The following NBEA variants were observed in gnomAD, a reference collection of about 807,000 sequenced individuals.
NBEA encodes neurobeachin.
A neutral mutation model predicts 343.4 loss-of-function variants in NBEA; 44 were observed. That is an observed-to-expected ratio of 0.13 (90% confidence interval 0.10 to 0.16). The LOEUF is 0.16. Among genes scored for constraint, NBEA ranks in the 10% least tolerant of loss-of-function variants. The pLI is 1.00. For synonymous variants in NBEA, 1,175 were observed against 1,238.7 expected (o/e 0.95, Z 1.08); for missense variants, 2,555 against 3,631.3 (o/e 0.70, Z 7.62).
chr13:35,126,992 G>T (rs1272634828), intron 17 of NBEA, among the ~76,000 whole-genome samples: 5 of 151,276 alleles, frequency 3.3e-5, no homozygotes, highest in Non-Finnish European at 7.4e-5. Flanking sequence ...GCAGAATAAT[G>T]GAACAAAACG....
chr13:35,630,276 C>G (rs1186175295), intron 49 of NBEA, among the ~76,000 whole-genome samples: 1 of 152,030 alleles, frequency 6.6e-6, no homozygotes, highest in African/African-American at 2.4e-5. Flanking sequence ...ATCAAAATAC[C>G]TGTTTCTACA....
chr13:34,994,758 A>G (rs938067866), intron 1 of NBEA, among the ~76,000 whole-genome samples: 1 of 152,200 alleles, frequency 6.6e-6, no homozygotes, highest in East Asian at 1.9e-4. Flanking sequence ...CTAAAATATT[A>G]AAGTTGCTAA....
intron 48 of NBEA, among the ~76,000 whole-genome samples, chr13:35,617,231 A>G (rs1445635989): frequency 6.6e-6 from 1 of 152,240 alleles, no homozygotes; most frequent in East Asian, 1.9e-4. Context: ...CTGTTATTTC[A>G]TCATAGGAAT....
intron 33 of NBEA, among the ~76,000 whole-genome samples, chr13:35,218,073 A>G (rs995389573): frequency 2.0e-5 from 3 of 152,090 alleles, no homozygotes; most frequent in African/African-American, 7.2e-5. Context: ...TTGCCATAAT[A>G]TAGGAAATAC....
At chr13:35,302,221 TCAGGCTC>T in intron 35 of NBEA, among the ~76,000 whole-genome samples, 1 of 152,320 alleles carries the variant, frequency 6.6e-6, no homozygotes, top group East Asian at 1.9e-4. Flanking sequence ...TGTTTTCCTC[TCAGGCTC>T]CAGGGGGCTG....
intron 39 of NBEA, among the ~76,000 whole-genome samples, chr13:35,445,307 TTTTA>T (rs1350155297): frequency 3.3e-5 from 5 of 152,264 alleles, no homozygotes; most frequent in Non-Finnish European, 5.9e-5. Flanking sequence ...TATCCTCTTG[TTTTA>T]TTTATTTTAT....
At chr13:35,468,637 A>G (rs945682566) in intron 40 of NBEA, among the ~76,000 whole-genome samples, 3 of 151,936 alleles carry the variant, frequency 2.0e-5, no homozygotes, top group African/African-American at 7.3e-5. Context: ...TAACACCCCT[A>G]AGTCACCCCA....
Position 35,240,244 on chromosome 13 carries a change from G to A in NBEA, c.5776+7625G>A, listed in dbSNP as rs2029985982. Among the ~76,000 whole-genome samples the A allele has an allele frequency of 2.6e-5, 4 of 151,942 alleles. No individual in the cohort carries two copies. The South Asian group carries it at 8.3e-4, about 32-fold the overall frequency. ...AAAGTATTTCTTATGTCCTTTCTTT[G>A]TGAACGGATCATTGTATTATGAAGT... On this transcript the variant is annotated intron_variant, in intron 34 of 58. Coordinates refer to ENST00000379939, the MANE Select transcript of NBEA (RefSeq NM_001385012.1).
chr13:35,522,585 T>TG (rs1672212428), intron 41 of NBEA, among the ~76,000 whole-genome samples: 1 of 146,226 alleles, frequency 6.8e-6, no homozygotes. Context: ...ACCACTAAGA[T>TG]GGGGTCCCCA....
intron 49 of NBEA, among the ~76,000 whole-genome samples, chr13:35,638,968 G>A (rs1016918722): frequency 3.9e-5 from 6 of 152,154 alleles, no homozygotes; most frequent in East Asian, 3.9e-4. Flanking sequence ...TTAGATTTAC[G>A]CTAAAAGAAA....
chr13:35,583,781 GTATT>G (rs2081164302), intron 45 of NBEA, 113 bp from the exon 46 acceptor site: 6 of 711,662 alleles, frequency 8.4e-6, no homozygotes, highest in Non-Finnish European at 1.4e-5. Context: ...ACAAAATAAT[GTATT>G]TATGCTGTAT....
At chr13:35,062,782 A>T (rs943363040) in intron 8 of NBEA, among the ~76,000 whole-genome samples, 1 of 151,976 alleles carries the variant, frequency 6.6e-6, no homozygotes, top group African/African-American at 2.4e-5. Flanking sequence ...AAAATTAAAT[A>T]AATTTGTTGT....
At chr13:35,431,570 A>G (rs892410498) in intron 38 of NBEA, among the ~76,000 whole-genome samples, 1 of 152,162 alleles carries the variant, frequency 6.6e-6, no homozygotes, top group African/African-American at 2.4e-5. Flanking sequence ...CGTGGCTATT[A>G]ATGGTTTATA....
intron 38 of NBEA, among the ~76,000 whole-genome samples, chr13:35,397,452 C>G (rs2042798119): frequency 1.3e-5 from 2 of 152,144 alleles, no homozygotes; most frequent in South Asian, 4.1e-4. Flanking sequence ...TTAACCTTAT[C>G]CACAAGTATT....
At chr13:35,641,544 T>A (rs2083948507) in intron 49 of NBEA, among the ~76,000 whole-genome samples, 1 of 152,006 alleles carries the variant, frequency 6.6e-6, no homozygotes. Flanking sequence ...CTTGCAGACA[T>A]AAAGTTGATC....
At chr13:35,366,093 A>G (rs1258464550) in intron 38 of NBEA, among the ~76,000 whole-genome samples, 1 of 151,636 alleles carries the variant, frequency 6.6e-6, no homozygotes, top group African/African-American at 2.4e-5. Context: ...AACTGAGTTA[A>G]AAACCCTTTG....
intron 55 of NBEA, among the ~76,000 whole-genome samples, chr13:35,659,897 G>A (rs973250048): frequency 5.3e-5 from 8 of 152,178 alleles, no homozygotes; most frequent in Non-Finnish European, 7.3e-5. Context: ...ATTTGGAAGT[G>A]ATAAAAATTA....
At chr13:35,164,270 T>C in intron 23 of NBEA, 86 bp from the exon 24 acceptor site, 2 of 1,197,880 alleles carry the variant, frequency 1.7e-6, no homozygotes, top group South Asian at 3.4e-5. Flanking sequence ...CCTACAGTTC[T>C]ATAATTTTTC....
At chr13:35,558,101 G>T (rs2079665069) in intron 44 of NBEA, among the ~76,000 whole-genome samples, 1 of 152,110 alleles carries the variant, frequency 6.6e-6, no homozygotes, top group Non-Finnish European at 1.5e-5. Context: ...AGTGCTATAA[G>T]GGGAGTAGTA....
Sources: gnomAD v4.1 joint callset for allele counts (sites outside exome capture counted in the v4.1 genomes callset) on GRCh38, gnomAD v4.1.1 for gene constraint, MANE v1.5 for transcripts, NCBI Gene and HGNC (gene_info 2026-07-23, HGNC 2026-07-21) for gene names.